NEK6: variants seen among roughly 807,000 people sequenced by gnomAD.
NEK6 encodes the protein serine/threonine-protein kinase Nek6.
In NEK6, 27 loss-of-function variants were observed where a neutral mutation model predicts 43.5. The observed-to-expected ratio is 0.62, with a 90% CI of 0.46 to 0.86. The LOEUF is 0.86. NEK6 is among the 40% of genes least tolerant of loss of function. The probability of loss-of-function intolerance (pLI) is 0.00; values close to 1 mark genes in which losing one functional copy is unlikely to be tolerated. For synonymous variants in NEK6, 167 were observed against 164.1 expected (o/e 1.02, Z -0.14); for missense variants, 318 against 414.4 (o/e 0.77, Z 2.02).
At chr9:124,327,048 C>T (rs1424734898) in intron 6 of NEK6, among the ~76,000 whole-genome samples, 1 of 152,198 alleles carries the variant, frequency 6.6e-6, no homozygotes, top group African/African-American at 2.4e-5. Flanking sequence ...CTGTTCTAGG[C>T]ATGGAGGATA....
intron 5 of NEK6, among the ~76,000 whole-genome samples, chr9:124,325,139 C>CA (rs1834271634): frequency 6.6e-6 from 1 of 151,892 alleles, no homozygotes; most frequent in South Asian, 2.1e-4. Flanking sequence ...CACGCCACTG[C>CA]ACTCCAGCCT....
intron 7 of NEK6, among the ~76,000 whole-genome samples, chr9:124,334,770 C>T (rs1249105010): frequency 1.3e-5 from 2 of 152,202 alleles, no homozygotes; most frequent in Non-Finnish European, 2.9e-5. Flanking sequence ...CTGGAGTAGC[C>T]GCTGTGGGAG....
intron 7 of NEK6, among the ~76,000 whole-genome samples, chr9:124,332,158 A>G (rs1829031198): frequency 6.6e-6 from 1 of 152,254 alleles, no homozygotes; most frequent in Non-Finnish European, 1.5e-5. Context: ...TGTAAACTCC[A>G]GCTCTTTGGT....
intron 7 of NEK6, among the ~76,000 whole-genome samples, chr9:124,329,375 C>G (rs1828846769): frequency 1.3e-5 from 2 of 152,214 alleles, no homozygotes; most frequent in Non-Finnish European, 2.9e-5. Flanking sequence ...CTGTGGCGCT[C>G]CGTCAGAGAG....
At chr9:124,346,511 G>A (rs1326730158) in intron 8 of NEK6, among the ~76,000 whole-genome samples, 2 of 152,070 alleles carry the variant, frequency 1.3e-5, no homozygotes, top group Non-Finnish European at 2.9e-5. Flanking sequence ...TGGCCCCTCC[G>A]GGGGGGAACC....
chr9:124,290,080 C>T (rs1208613601), intron 1 of NEK6, among the ~76,000 whole-genome samples: 4 of 152,248 alleles, frequency 2.6e-5, no homozygotes, highest in Non-Finnish European at 5.9e-5. Context: ...GCTGTGATTA[C>T]GCGCCAGCCC....
chr9:124,273,129 A>T (rs1052776090), intron 1 of NEK6, among the ~76,000 whole-genome samples: 16 of 152,232 alleles, frequency 1.1e-4, no homozygotes, highest in Middle Eastern at 3.4e-3. Context: ...CCTTGCTCCA[A>T]GGCTGTGAGG....
At chr9:124,270,109 C>G (rs901123481) in intron 1 of NEK6, among the ~76,000 whole-genome samples, 2 of 152,134 alleles carry the variant, frequency 1.3e-5, no homozygotes, top group Admixed American at 6.5e-5. Context: ...CCACTGAGTG[C>G]TCCATCTCCC....
Position 124,257,953 on chromosome 9 carries a change from T to TGGCGGC in NEK6, c.-153_-148dup, listed in dbSNP as rs1055421358. 2.6e-5 allele frequency: 25 copies of TGGCGGC among 974,662 alleles called. No homozygotes were observed. The highest frequency in any genetic ancestry group is 5.3e-4 in the Middle Eastern group (1 of 1,878). The allele number at this position is 974,662 out of a possible 1,614,324, so 60.4% of individuals were successfully genotyped here. A position where few individuals can be genotyped will look rare whatever the true frequency, so the allele number is the denominator to read the frequency against. On this transcript the variant is annotated 5_prime_UTR_variant, in exon 1 of 10. Coordinates refer to ENST00000320246, the MANE Select transcript of NEK6 (RefSeq NM_014397.6). ...CGGGCGCGCGGGCCCGCGCAGGCGG[T>TGGCGGC]GGCGGCGGCGGCGGAACCGAGCTGA... is the stretch of plus-strand genomic sequence containing the variant.
chr9:124,292,022 T>G (rs780571100), intron 1 of NEK6: 18 of 991,678 alleles, frequency 1.8e-5, no homozygotes, highest in Non-Finnish European at 2.2e-5. Flanking sequence ...CCCAGGCACC[T>G]CATGTCTGCC....
intron 7 of NEK6, among the ~76,000 whole-genome samples, chr9:124,333,353 C>T (rs1829111614): frequency 6.6e-6 from 1 of 152,140 alleles, no homozygotes; most frequent in Non-Finnish European, 1.5e-5. Flanking sequence ...AGCTGCAGTC[C>T]AGGACACCCT....
intron 4 of NEK6, among the ~76,000 whole-genome samples, chr9:124,315,437 T>C (rs1564641456): frequency 1.3e-5 from 2 of 152,238 alleles, no homozygotes. Context: ...GTGCCTGCTC[T>C]GGTGGCCCCC....
chr9:124,316,245 G>A (rs1432987760), intron 4 of NEK6, among the ~76,000 whole-genome samples: 7 of 152,204 alleles, frequency 4.6e-5, no homozygotes, highest in South Asian at 2.1e-4. Flanking sequence ...TGGTGGGGTC[G>A]GCAGCTGCCA....
chr9:124,348,743 C>T (rs543873321), intron 9 of NEK6, among the ~76,000 whole-genome samples: 42 of 152,214 alleles, frequency 2.8e-4, no homozygotes, highest in South Asian at 4.1e-4. Context: ...TCAAGGTCAA[C>T]GCTAGTGGGT....
intron 1 of NEK6, among the ~76,000 whole-genome samples, chr9:124,260,083 G>A (rs374741715): frequency 6.6e-6 from 1 of 152,012 alleles, no homozygotes. Context: ...TGTGCACAAG[G>A]AAACTGAGGC....
chr9:124,316,950 T>C (rs997750494), intron 4 of NEK6, among the ~76,000 whole-genome samples: 1 of 152,158 alleles, frequency 6.6e-6, no homozygotes, highest in Non-Finnish European at 1.5e-5. Flanking sequence ...CCTGGGCAGT[T>C]TTTGGGGAGT....
Position 124,350,842 on chromosome 9 carries a change from A to G in NEK6, c.837A>G (p.Arg279=). The change falls in exon 10 of 10, where the codon CGA becomes CGG. Residue 279 remains arginine (R), a synonymous_variant. Transcript: ENST00000320246. ...CACCATTCTCTCCCCTGCAGTTACG[A>G]GAACTGGTCAGCATGTGCATCTGCC... ...LPGEHYSEKL[R]ELVSMCICPD... 1 of 1,611,792 alleles carries G rather than the reference A, an allele frequency of 6.2e-7. No individual in the cohort carries two copies.
At chr9:124,347,610 G>C in intron 8 of NEK6, 99 bp from the exon 9 acceptor site, 1 of 716,504 alleles carries the variant, frequency 1.4e-6, no homozygotes, top group East Asian at 2.8e-5. Flanking sequence ...CGGGACCAGA[G>C]AGAACCCATG....
At chr9:124,345,823 A>G (rs2131086178) in intron 8 of NEK6, among the ~76,000 whole-genome samples, 1 of 152,352 alleles carries the variant, frequency 6.6e-6, no homozygotes, top group South Asian at 2.1e-4. Flanking sequence ...TTATGGCAAC[A>G]GATGTCCTTT....
Sources: gnomAD v4.1 joint callset for allele counts (sites outside exome capture counted in the v4.1 genomes callset) on GRCh38, gnomAD v4.1.1 for gene constraint, MANE v1.5 for transcripts, NCBI Gene and HGNC (gene_info 2026-07-23, HGNC 2026-07-21) for gene names.